The following GTF2A1L variants were observed in gnomAD, a reference collection of about 807,000 sequenced individuals.
GTF2A1L encodes the protein TFIIA-alpha and beta-like factor.
In GTF2A1L, 48 loss-of-function variants were observed where a neutral mutation model predicts 49.7. That is an observed-to-expected ratio of 0.97 (90% CI 0.77 to 1.23). The LOEUF is 1.23. GTF2A1L is among the 50% of genes most tolerant of loss of function. The pLI, the probability that GTF2A1L is intolerant of heterozygous loss-of-function variation, is 0.00. For missense variants in GTF2A1L, 736 were observed against 564.8 expected (o/e 1.30, Z -3.07); for synonymous variants, 246 against 193.5 (o/e 1.27, Z -2.25).
chr2:48,633,238 C>CT (rs1676684215), intron 3 of GTF2A1L: 1 of 179,614 alleles, frequency 5.6e-6, no homozygotes, highest in African/African-American at 2.4e-5. Context: ...GTCCTACTGA[C>CT]TATCTTCTTC....
intron 6 of GTF2A1L, among the ~76,000 whole-genome samples, chr2:48,647,739 G>C (rs1677605907): frequency 6.6e-6 from 1 of 151,922 alleles, no homozygotes; most frequent in Non-Finnish European, 1.5e-5. Context: ...CTAAAAATTA[G>C]CTTCTAGTTA....
chr2:48,623,101 C>A (rs1477304875), intron 3 of GTF2A1L, among the ~76,000 whole-genome samples: 1 of 152,216 alleles, frequency 6.6e-6, no homozygotes, highest in South Asian at 2.1e-4. Context: ...TTACATGTAT[C>A]CCTTAAAAGT....
intron 1 of GTF2A1L, among the ~76,000 whole-genome samples, chr2:48,618,579 G>T (rs1194611027): frequency 6.6e-6 from 1 of 152,184 alleles, no homozygotes; most frequent in Non-Finnish European, 1.5e-5. Flanking sequence ...GTCCAGATCT[G>T]TGTAATTTTA....
chr2:48,676,579 T>G (rs1211799724), intron 8 of GTF2A1L, among the ~76,000 whole-genome samples: 1 of 151,902 alleles, frequency 6.6e-6, no homozygotes, highest in Non-Finnish European at 1.5e-5. Context: ...TTATATTTAG[T>G]GATCTCTAAG....
chr2:48,622,817 C>T (rs1460448271), intron 3 of GTF2A1L, among the ~76,000 whole-genome samples: 1 of 142,892 alleles, frequency 7.0e-6, no homozygotes, highest in Admixed American at 7.3e-5. Context: ...CTGGGCGACA[C>T]AGTGAGACTC....
chr2:48,673,423 C>T (rs1004244555), intron 8 of GTF2A1L, among the ~76,000 whole-genome samples: 7 of 132,180 alleles, frequency 5.3e-5, no homozygotes, highest in Admixed American at 1.8e-4. Context: ...AGTGTAGTGG[C>T]GTGATCTTGG....
At chr2:48,645,181 T>A (rs1486244965) in intron 5 of GTF2A1L, 64 bp downstream of exon 5, 59 of 1,428,516 alleles carry the variant, frequency 4.1e-5, no homozygotes, top group Non-Finnish European at 5.4e-5. Flanking sequence ...GACATTAAGC[T>A]TCATGATTTT....
At chr2:48,622,280 C>G (rs1337839213) in intron 3 of GTF2A1L, among the ~76,000 whole-genome samples, 4 of 152,158 alleles carry the variant, frequency 2.6e-5, no homozygotes, top group South Asian at 2.1e-4. Flanking sequence ...TTAGCAAATA[C>G]AAGTTTTATC....
In GTF2A1L at chr2:48,670,054, C is replaced by A. The variant is rs575979004; in HGVS notation, c.1239+72C>A. 21 of 1,517,052 alleles carry A rather than the reference C, an allele frequency of 1.4e-5. No homozygotes were observed. In the Admixed American group the frequency reaches 3.5e-4, roughly 25 times the overall value. The allele number at this position is 1,517,052 out of a possible 1,614,324, so 94.0% of individuals were successfully genotyped here. On this transcript the variant is annotated intron_variant, in intron 7 of 8. Transcript: ENST00000403751. ...TTTCTACTTTATTATGCCTTGGAAC[C>A]AAAAGGAATAGCAAGATTAATCTTT... is the stretch of plus-strand genomic sequence containing the variant.
intron 6 of GTF2A1L, among the ~76,000 whole-genome samples, chr2:48,656,745 G>A (rs1221466781): frequency 6.6e-6 from 1 of 151,934 alleles, no homozygotes; most frequent in Non-Finnish European, 1.5e-5. Context: ...TATGCTTTTG[G>A]TGTCATATCC....
chr2:48,623,573 G>A (rs920015088), intron 3 of GTF2A1L, among the ~76,000 whole-genome samples: 3 of 152,132 alleles, frequency 2.0e-5, no homozygotes, highest in South Asian at 2.1e-4. Flanking sequence ...GCATTTACCC[G>A]AAAGAAAATA....
chr2:48,648,366 C>A (rs953112895), intron 6 of GTF2A1L, among the ~76,000 whole-genome samples: 16 of 151,934 alleles, frequency 1.1e-4, no homozygotes, highest in Non-Finnish European at 1.9e-4. Context: ...TTTGGAGGCA[C>A]TTTTTACCTG....
intron 8 of GTF2A1L, among the ~76,000 whole-genome samples, chr2:48,672,932 G>C (rs553602666): frequency 6.6e-6 from 1 of 152,256 alleles, no homozygotes; most frequent in African/African-American, 2.4e-5. Context: ...TCTTAGTGCA[G>C]TATTCTCCCC....
chr2:48,619,898 G>A (rs979529278), intron 1 of GTF2A1L, among the ~76,000 whole-genome samples: 2 of 152,196 alleles, frequency 1.3e-5, no homozygotes, highest in African/African-American at 4.8e-5. Flanking sequence ...GGTCTCTTCA[G>A]TATGCACACT....
At chr2:48,670,114 C>A in intron 7 of GTF2A1L, 132 bp downstream of exon 7, 1 of 1,324,262 alleles carries the variant, frequency 7.6e-7, no homozygotes, top group Non-Finnish European at 9.9e-7. Flanking sequence ...TATTTGGGGC[C>A]GGGCACGGTG....
In GTF2A1L at chr2:48,679,536, G is replaced by C; in HGVS notation, c.*94G>C. The C allele has an allele frequency of 3.3e-6, 5 of 1,512,620 alleles. No homozygotes were observed. The highest frequency in any genetic ancestry group is 1.8e-6 in the Non-Finnish European group (2 of 1,137,190). The allele number at this position is 1,512,620 out of a possible 1,614,324, so 93.7% of individuals were successfully genotyped here. ...TTTATTTTGAATATAGTCCAGCACA[G>C]AGCTGTTCAAATTTTTAGTTCACTG... is the stretch of plus-strand genomic sequence containing the variant. On this transcript the variant is annotated 3_prime_UTR_variant, in exon 9 of 9. Transcript: ENST00000403751.
chr2:48,635,410 A>G (rs1054377377), intron 3 of GTF2A1L, among the ~76,000 whole-genome samples: 2 of 152,088 alleles, frequency 1.3e-5, no homozygotes, highest in African/African-American at 4.8e-5. Flanking sequence ...TCACGCAAGC[A>G]GGTGCCCTGA....
chr2:48,644,819 G>A (rs1039554165), intron 4 of GTF2A1L, among the ~76,000 whole-genome samples: 3 of 152,106 alleles, frequency 2.0e-5, no homozygotes, highest in Admixed American at 6.5e-5. Flanking sequence ...TAGCTTCATT[G>A]CTAATAACTG....
At position 48,646,891 on chromosome 2, in the gene GTF2A1L, A is replaced by C. The variant is rs762668995; in HGVS notation, c.827A>C (p.Asp276Ala). 1 of 1,614,060 alleles carries C rather than the reference A, an allele frequency of 6.2e-7. No individual in the cohort carries two copies. Among genetic ancestry groups the C allele is most frequent in the African/African-American group, 1.3e-5 (1 of 74,918 alleles). The change falls in exon 6 of 9, where the codon GAT becomes GCT. Residue 276 changes from aspartate to alanine, a missense_variant. Coordinates refer to ENST00000403751, the MANE Select transcript of GTF2A1L (RefSeq NM_006872.5). ...GSASMAQNLH[D>A]ESLSTSPHGA... ...GCTAGCATGGCTCAAAATCTGCATG[A>C]TGAGTCCCTCTCCACAAGCCCTCAT...
Sources: gnomAD v4.1 joint callset for allele counts (sites outside exome capture counted in the v4.1 genomes callset) on GRCh38, gnomAD v4.1.1 for gene constraint, MANE v1.5 for transcripts, NCBI Gene and HGNC (gene_info 2026-07-23, HGNC 2026-07-21) for gene names.